Variants in RANBP17 observed in about 807,000 individuals in gnomAD.
The protein encoded by RANBP17 is RAN binding protein 17.
A neutral mutation model predicts 141.2 loss-of-function variants in RANBP17; 158 were observed. The ratio of observed to expected loss-of-function variants is 1.12; its 90% CI spans 0.98 to 1.28. RANBP17 has a LOEUF of 1.28. Ranked by LOEUF, RANBP17 falls within the 50% of genes most tolerant of loss-of-function variation. The pLI, the probability that RANBP17 is intolerant of heterozygous loss-of-function variation, is 0.00. For missense variants in RANBP17, 1,438 were observed against 1,290.7 expected (o/e 1.11, Z -1.75); for synonymous variants, 430 against 450.0 (o/e 0.96, Z 0.56).
At chr5:170,885,501 T>A (rs3843902) in intron 3 of RANBP17, among the ~76,000 whole-genome samples, 91,412 of 151,976 alleles carry the variant, frequency 0.6, 29,212 homozygotes, top group South Asian at 0.88. Flanking sequence ...AAAGATTTTG[T>A]AACTCCTTGG....
intron 14 of RANBP17, among the ~76,000 whole-genome samples, chr5:171,073,591 A>G (rs1784747533): frequency 1.3e-5 from 2 of 152,168 alleles, no homozygotes; most frequent in African/African-American, 4.8e-5. Flanking sequence ...GGATAAATAT[A>G]TATAGAACTA....
chr5:170,990,158 A>G (rs532756092), intron 14 of RANBP17, among the ~76,000 whole-genome samples: 2 of 151,980 alleles, frequency 1.3e-5, no homozygotes, highest in East Asian at 3.9e-4. Context: ...ATAAAAATTT[A>G]AAAATATGGT....
chr5:170,869,928 C>G (rs1434684568), intron 1 of RANBP17, among the ~76,000 whole-genome samples: 2 of 152,162 alleles, frequency 1.3e-5, no homozygotes, highest in African/African-American at 2.4e-5. Context: ...TCTTAATCCT[C>G]CAAACCTATG....
chr5:171,271,849 T>C (rs889680041), intron 25 of RANBP17, among the ~76,000 whole-genome samples: 12 of 152,208 alleles, frequency 7.9e-5, no homozygotes, highest in African/African-American at 2.9e-4. Flanking sequence ...TTAACAGCAA[T>C]CAATGCATAT....
intron 14 of RANBP17, among the ~76,000 whole-genome samples, chr5:170,980,783 G>T (rs918007708): frequency 6.6e-6 from 1 of 152,204 alleles, no homozygotes. Context: ...GAAATGTGGG[G>T]TTGGAGCCCC....
intron 14 of RANBP17, among the ~76,000 whole-genome samples, chr5:171,158,679 T>A (rs1759079319): frequency 6.6e-6 from 1 of 152,080 alleles, no homozygotes; most frequent in Non-Finnish European, 1.5e-5. Flanking sequence ...GTCTCTCAAT[T>A]TTCATGGTCA....
intron 14 of RANBP17, among the ~76,000 whole-genome samples, chr5:171,069,979 A>G (rs747865858): frequency 4.6e-5 from 7 of 152,208 alleles, no homozygotes; most frequent in Non-Finnish European, 7.4e-5. Flanking sequence ...GAAAGGTAAT[A>G]TAATATTATC....
intron 14 of RANBP17, among the ~76,000 whole-genome samples, chr5:171,095,446 T>G (rs1786618304): frequency 6.6e-6 from 1 of 152,076 alleles, no homozygotes; most frequent in Admixed American, 6.6e-5. Context: ...TATCTTGGAG[T>G]TGAACTTATG....
At position 171,266,869 on chromosome 5, in the gene RANBP17, C is replaced by T. The variant is rs1009841306; in HGVS notation, c.2943+1022C>T. Among the ~76,000 whole-genome samples the T allele has an allele frequency of 2.0e-5, 3 of 151,606 alleles. No individual in the cohort carries two copies. In the East Asian group the frequency reaches 5.9e-4, roughly 30 times the overall value. On this transcript the variant is annotated intron_variant, in intron 25 of 27. Transcript: ENST00000523189. ...CAGAGGTTGCAGTGAGCTGAGATCACACCACTGCACTACAGCCTGGATGAC... is the reference window on the plus strand; with the variant it reads ...CAGAGGTTGCAGTGAGCTGAGATCATACCACTGCACTACAGCCTGGATGAC...
intron 17 of RANBP17, 43 bp from the exon 18 acceptor site, chr5:171,183,279 G>A (rs1760990529): frequency 6.4e-7 from 1 of 1,571,460 alleles, no homozygotes; most frequent in African/African-American, 1.4e-5. Flanking sequence ...GAATAGTTGA[G>A]GTAAAGTGTT....
intron 20 of RANBP17, among the ~76,000 whole-genome samples, chr5:171,209,227 A>G (rs1392847802): frequency 6.6e-6 from 1 of 152,154 alleles, no homozygotes; most frequent in African/African-American, 2.4e-5. Flanking sequence ...TGGCCTAGGC[A>G]TCAGGTTTAG....
chr5:171,170,019 C>T (rs1160003265), intron 14 of RANBP17, 111 bp from the exon 15 acceptor site: 1 of 482,188 alleles, frequency 2.1e-6, no homozygotes, highest in Admixed American at 3.9e-5. Context: ...CCACTCCCTA[C>T]TTCAGTGTGG....
At chr5:170,914,910 G>A (rs1049089571) in intron 8 of RANBP17, among the ~76,000 whole-genome samples, 4 of 152,036 alleles carry the variant, frequency 2.6e-5, no homozygotes, top group African/African-American at 9.7e-5. Context: ...GCCATTTTCT[G>A]AAAAACATAT....
chr5:170,959,615 C>A (rs1775990733), intron 13 of RANBP17, among the ~76,000 whole-genome samples: 1 of 152,130 alleles, frequency 6.6e-6, no homozygotes, highest in South Asian at 2.1e-4. Context: ...TAGACTCCCC[C>A]CAAATTTAAC....
intron 21 of RANBP17, among the ~76,000 whole-genome samples, chr5:171,219,678 G>A (rs1244005359): frequency 2.0e-5 from 3 of 151,236 alleles, no homozygotes; most frequent in African/African-American, 7.3e-5. Context: ...CTGCTTGATC[G>A]ATTTGGCTAT....
chr5:170,908,593 A>G (rs182127708), intron 5 of RANBP17, among the ~76,000 whole-genome samples: 1 of 151,048 alleles, frequency 6.6e-6, no homozygotes, highest in African/African-American at 2.4e-5. Flanking sequence ...AACCTCAGCA[A>G]CAAGCAATAT....
chr5:171,252,934 A>ATC, intron 24 of RANBP17: 1 of 1,464,168 alleles, frequency 6.8e-7, no homozygotes, highest in South Asian at 1.1e-5. Flanking sequence ...GACATCAGAT[A>ATC]TCTCAAAGAA....
chr5:170,994,928 A>G (rs192448062), intron 14 of RANBP17, among the ~76,000 whole-genome samples: 39 of 152,244 alleles, frequency 2.6e-4, no homozygotes, highest in Middle Eastern at 3.4e-3. Context: ...GAAAACATCT[A>G]AGAATTTGTA....
intron 22 of RANBP17, among the ~76,000 whole-genome samples, chr5:171,225,918 G>T (rs1361034323): frequency 1.3e-5 from 2 of 152,104 alleles, no homozygotes; most frequent in South Asian, 4.1e-4. Context: ...TCCTCTTGCC[G>T]TTACAGCTCA....
Sources: gnomAD v4.1 joint callset for allele counts (sites outside exome capture counted in the v4.1 genomes callset) on GRCh38, gnomAD v4.1.1 for gene constraint, MANE v1.5 for transcripts, NCBI Gene and HGNC (gene_info 2026-07-23, HGNC 2026-07-21) for gene names.